Variants in TXNDC11 observed in about 807,000 individuals in gnomAD.
The protein encoded by TXNDC11 is thioredoxin domain containing 11.
Under a neutral mutation model 78.0 loss-of-function variants are expected in TXNDC11, and 68 were observed. The observed-to-expected ratio is 0.87, with a 90% confidence interval of 0.72 to 1.07. TXNDC11 has a LOEUF of 1.07. TXNDC11 is among the 50% of genes least tolerant of loss of function. The pLI, the probability that TXNDC11 is intolerant of heterozygous loss-of-function variation, is 0.00. For missense variants in TXNDC11, 1,389 were observed against 1,221.8 expected, an observed-to-expected ratio of 1.14 and a Z score of -2.04; for synonymous variants, 571 against 495.2, an observed-to-expected ratio of 1.15 and a Z score of -2.03.
At chr16:11,721,205 G>C in intron 5 of TXNDC11, 1 of 174,638 alleles carries the variant, frequency 5.7e-6, no homozygotes. Flanking sequence ...TTTGGGAACT[G>C]AGGCAGGTGG....
rs1219881807 is a variant in TXNDC11, at chr16:11,742,500, G to A, written c.231C>T (p.Leu77=). The change falls in exon 1 of 12, where the codon CTC becomes CTT. Residue 77 remains leucine, a synonymous_variant. Transcript: ENST00000283033. ...CGAVALGCAL[L]LALKFTCSRA... is the part of the protein sequence containing the mutation. ...ACCTGCAGGTGAACTTGAGGGCGAG[G>A]AGCAGCGCGCAGCCGAGCGCCACGG... 18 of 1,454,184 alleles carry A rather than the reference G, an allele frequency of 1.2e-5. No homozygotes were observed. Among genetic ancestry groups the A allele is most frequent in the Non-Finnish European group, 1.6e-5 (18 of 1,111,598 alleles). 90.1% of individuals were successfully genotyped at this position (1,454,184 alleles called of 1,614,324 possible).
In TXNDC11 at chr16:11,691,876, G is replaced by C; in HGVS notation, c.1314C>G (p.Thr438=). The C allele has an allele frequency of 1.2e-6, 2 of 1,614,206 alleles. No homozygotes were observed. Among genetic ancestry groups the C allele is most frequent in the Non-Finnish European group, 1.7e-6 (2 of 1,180,012 alleles). The change falls in exon 8 of 12, where the codon ACC becomes ACG. Residue 438 remains threonine (T), a synonymous_variant. Coordinates refer to ENST00000283033, the MANE Select transcript of TXNDC11 (RefSeq NM_015914.7). ...TGACACAGAGTTCACAGACGTTGTG[G>C]GTCCTGGAGAAGGAGTGCCACTGGG... is the stretch of plus-strand genomic sequence containing the variant. ...VLPQWHSFSR[T]HNVCELCVNQ...
chr16:11,680,671 G>A (rs1202729505), intron 11 of TXNDC11, among the ~76,000 whole-genome samples: 1 of 152,172 alleles, frequency 6.6e-6, no homozygotes, highest in Non-Finnish European at 1.5e-5. Flanking sequence ...ACTTAGGTAT[G>A]AGGTGGGCCG....
At chr16:11,718,407 A>G (rs2051606530) in intron 5 of TXNDC11, among the ~76,000 whole-genome samples, 1 of 152,232 alleles carries the variant, frequency 6.6e-6, no homozygotes, top group Admixed American at 6.5e-5. Context: ...TAAATGTTAT[A>G]TGTGTCAAAT....
At chr16:11,738,506 T>C (rs1038901045) in intron 1 of TXNDC11, among the ~76,000 whole-genome samples, 2 of 152,196 alleles carry the variant, frequency 1.3e-5, no homozygotes, top group African/African-American at 2.4e-5. Context: ...AAAAATATAC[T>C]AAATGCTCAC....
At position 11,679,965 on chromosome 16, in the gene TXNDC11, T is replaced by TA; in HGVS notation, c.2235-129_2235-128insT. 1.2e-6 allele frequency: 1 copy of TA among 833,294 alleles called. No homozygotes were observed. The highest frequency in any genetic ancestry group is 2.6e-5 in the East Asian group (1 of 38,850). 51.6% of individuals were successfully genotyped at this position (833,294 alleles called of 1,614,324 possible). ...AAGACGTTCCGTGGATTTTACTTACTGAAAGTAAGGAAAATGTTGCCTGGG... is the reference window on the plus strand; with the variant it reads ...AAGACGTTCCGTGGATTTTACTTACTAGAAAGTAAGGAAAATGTTGCCTGGG... On this transcript the variant is annotated intron_variant, in intron 11 of 11. Transcript: ENST00000283033. The surrounding 1 kb of genome is among the most constrained non-coding windows in gnomAD (Gnocchi z 4.6).
rs139804131 is a variant in TXNDC11 at position 11,709,554 on chromosome 16, C to T, written c.794-8990G>A. On this transcript the variant is annotated intron_variant, in intron 5 of 11. Transcript: ENST00000283033. The stretch of plus-strand genomic sequence containing the variant: ...GGTTCACGCCATTCTCCTGCCTCAG[C>T]CTCCCGAGTAGCTGGGACTACAGGC... Among the ~76,000 whole-genome samples the T allele has an allele frequency of 9.0e-3, 1,358 of 150,974 alleles. 25 individuals carry two copies. The highest frequency in any genetic ancestry group is 0.03 in the African/African-American group (1,248 of 41,086).
chr16:11,731,746 G>A (rs2052058317), intron 3 of TXNDC11, among the ~76,000 whole-genome samples: 1 of 151,828 alleles, frequency 6.6e-6, no homozygotes, highest in South Asian at 2.1e-4. Context: ...TCTTCCATGT[G>A]CACTGCAGAA....
intron 5 of TXNDC11, among the ~76,000 whole-genome samples, chr16:11,720,268 G>A (rs572123694): frequency 6.6e-6 from 1 of 152,316 alleles, no homozygotes; most frequent in Non-Finnish European, 1.5e-5. Flanking sequence ...AGCCTATGCT[G>A]TAATGTGACA....
chr16:11,706,189 T>C (rs2051174644), intron 5 of TXNDC11, among the ~76,000 whole-genome samples: 1 of 152,236 alleles, frequency 6.6e-6, no homozygotes, highest in Admixed American at 6.5e-5. Context: ...CTGGTGTCAA[T>C]GATCACTGCA....
chr16:11,713,628 C>G (rs942481902), intron 5 of TXNDC11, among the ~76,000 whole-genome samples: 4 of 152,166 alleles, frequency 2.6e-5, no homozygotes, highest in Non-Finnish European at 5.9e-5. Context: ...GTTGGTCAGA[C>G]TGGTCTAAAA....
intron 10 of TXNDC11, 61 bp downstream of exon 10, chr16:11,687,796 G>A (rs1467490638): frequency 1.7e-6 from 2 of 1,152,836 alleles, no homozygotes; most frequent in African/African-American, 3.1e-5. Flanking sequence ...ATATGGCTAA[G>A]CTGCAAATAA....
At chr16:11,736,567 C>T (rs1403311532) in intron 1 of TXNDC11, among the ~76,000 whole-genome samples, 2 of 152,180 alleles carry the variant, frequency 1.3e-5, no homozygotes, top group Non-Finnish European at 2.9e-5. Flanking sequence ...ACAAAAGCCA[C>T]TTATCTCCAG....
At chr16:11,730,541 C>T in intron 4 of TXNDC11, 104 bp downstream of exon 4, 1 of 1,220,472 alleles carries the variant, frequency 8.2e-7, no homozygotes, top group Non-Finnish European at 1.2e-6. Context: ...CTTTTACTTG[C>T]TGCAATTCAG....
intron 7 of TXNDC11, among the ~76,000 whole-genome samples, chr16:11,695,936 G>C (rs1347384566): frequency 1.3e-5 from 2 of 151,870 alleles, no homozygotes; most frequent in Non-Finnish European, 2.9e-5. Context: ...TTGGGAGGCT[G>C]AGGTGGGAGG....
intron 5 of TXNDC11, chr16:11,703,525 C>T (rs2051093468): frequency 1.9e-6 from 1 of 517,732 alleles, no homozygotes; most frequent in Admixed American, 3.2e-5. Flanking sequence ...CACACACACA[C>T]ACACACACAC....
intron 11 of TXNDC11, among the ~76,000 whole-genome samples, chr16:11,683,552 T>C (rs2050486794): frequency 6.9e-6 from 1 of 144,212 alleles, no homozygotes; most frequent in African/African-American, 2.5e-5. Flanking sequence ...ATTGCACCAC[T>C]GCACTCCAGC....
intron 1 of TXNDC11, among the ~76,000 whole-genome samples, chr16:11,741,651 T>C (rs781048719): frequency 6.6e-6 from 1 of 152,224 alleles, no homozygotes; most frequent in Non-Finnish European, 1.5e-5. Flanking sequence ...TTTAAAAAAT[T>C]ATATTTACTT....
chr16:11,679,396 C>A lies in TXNDC11; in HGVS notation c.2676G>T (p.Thr892=). Reference sequence around the variant, plus strand: ...TGGTCGCCACCAGGATCTTGAGCCACGTGTTCTCGGTAAGGAGGTTTTCTG... The same window carrying A: ...TGGTCGCCACCAGGATCTTGAGCCAAGTGTTCTCGGTAAGGAGGTTTTCTG... ...DASENLLTEN[T]WLKILVATME... is the part of the protein sequence containing the mutation. The change falls in exon 12 of 12, where the codon ACG becomes ACT. Residue 892 remains threonine, a synonymous_variant. Transcript: ENST00000283033. The surrounding 1 kb of genome is among the most constrained non-coding windows in gnomAD (Gnocchi z 4.6). The A allele has an allele frequency of 6.2e-7, 1 of 1,611,828 alleles. No individual in the cohort carries two copies. The highest frequency in any genetic ancestry group is 8.5e-7 in the Non-Finnish European group (1 of 1,179,168).
Sources: gnomAD v4.1 joint callset for allele counts (sites outside exome capture counted in the v4.1 genomes callset) on GRCh38, gnomAD v4.1.1 for gene constraint, Gnocchi (gnomAD v3.1) non-coding constraint, MANE v1.5 for transcripts, NCBI Gene and HGNC (gene_info 2026-07-23, HGNC 2026-07-21) for gene names.